Variants in PLA2G4B observed in about 807,000 individuals in gnomAD.
PLA2G4B encodes phospholipase A2 group IVB, also known as cytosolic phospholipase A2 beta.
PLA2G4B carries 122 observed loss-of-function variants against 95.8 expected under a neutral mutation model. The ratio of observed to expected loss-of-function variants is 1.27; its 90% CI spans 1.10 to 1.48. The LOEUF (loss-of-function observed/expected upper bound fraction) is 1.48, where lower values mean the gene tolerates loss of function less well. Among genes scored for constraint, PLA2G4B ranks in the 40% most tolerant of loss-of-function variants. PLA2G4B has a pLI of 0.00. For missense variants in PLA2G4B, 1,158 were observed against 996.2 expected, an observed-to-expected ratio of 1.16 and a Z score of -2.19; for synonymous variants, 518 against 421.5, an observed-to-expected ratio of 1.23 and a Z score of -2.80.
chr15:41,841,500 C>T lies in PLA2G4B; in HGVS notation c.436-17C>T, dbSNP rs1386120417. On this transcript the variant is annotated splice_polypyrimidine_tract_variant and intron_variant, in intron 6 of 19. Transcript: ENST00000458483. ...GGGGGTGGGGTTAGTGTCTGAGGGG[C>T]TGTCTTCATGACTCAGGCCCGGGAG... is the stretch of plus-strand genomic sequence containing the variant. 6.2e-7 allele frequency: 1 copy of T among 1,614,032 alleles called. No homozygotes were observed. The highest frequency in any genetic ancestry group is 1.7e-5 in the Admixed American group (1 of 60,012).
At chr15:41,844,398 C>T (rs1316886616) in intron 11 of PLA2G4B, 73 bp from the exon 12 acceptor site, 1 of 1,608,276 alleles carries the variant, frequency 6.2e-7, no homozygotes, top group African/African-American at 1.3e-5. Flanking sequence ...ACTTGACCTG[C>T]TACCTCTTCT....
chr15:41,840,286 A>G, intron 2 of PLA2G4B, 56 bp downstream of exon 2: 1 of 1,591,230 alleles, frequency 6.3e-7, no homozygotes. Flanking sequence ...GAGGGTGCTG[A>G]GGAGGAGGGT....
intron 19 of PLA2G4B, 59 bp downstream of exon 19, chr15:41,847,582 C>G (rs1390735506): frequency 1.2e-6 from 2 of 1,610,158 alleles, no homozygotes; most frequent in African/African-American, 2.7e-5. Context: ...TCCTCCGTCC[C>G]CTGTGCCTCT....
chr15:41,845,848 G>T, intron 15 of PLA2G4B, 73 bp downstream of exon 15: 2 of 1,528,718 alleles, frequency 1.3e-6, no homozygotes, highest in Non-Finnish European at 1.8e-6. Context: ...GGGCAGCCTC[G>T]GTCAGAAGAG....
Position 41,840,573 on chromosome 15 carries a change from C to T in PLA2G4B, c.132C>T (p.Ser44=). 4 of 1,613,968 alleles carry T rather than the reference C, an allele frequency of 2.5e-6. No individual in the cohort carries two copies. The highest frequency in any genetic ancestry group is 3.4e-6 in the Non-Finnish European group (4 of 1,180,016). ...YVTLWLPTAC[S]HRLQTRTVKN... is the part of the protein sequence containing the mutation. ...CTCTCTGGCTGCCCACGGCCTGCAG[C>T]CACAGGCTCCAGACACGCACGGTCA... is the stretch of plus-strand genomic sequence containing the variant. Residue 44 remains serine, a synonymous_variant, in exon 3 of 20, where the codon AGC becomes AGT. Coordinates refer to ENST00000458483, the MANE Select transcript of PLA2G4B (RefSeq NM_001114633.2).
In PLA2G4B at chr15:41,845,225, A is replaced by T; in HGVS notation, c.1262A>T (p.Asp421Val). 4 of 1,614,132 alleles carry T rather than the reference A, an allele frequency of 2.5e-6. 1 individual carries two copies. The South Asian group carries it at 4.4e-5, about 18-fold the overall frequency. Residue 421 changes from aspartate to valine, a missense_variant, in exon 14 of 20, where the codon GAT becomes GTT. By Grantham distance (152) the Asp-to-Val change is radical. Coordinates refer to ENST00000458483, the MANE Select transcript of PLA2G4B (RefSeq NM_001114633.2). ...HDEPHDHKLS[D>V]QREALSHGQN... ...CAGCCCCATGATCACAAGCTCTCAGATCAACGGGAGGCCCTGAGTCATGGC... is the reference window on the plus strand; with the variant it reads ...CAGCCCCATGATCACAAGCTCTCAGTTCAACGGGAGGCCCTGAGTCATGGC...
At position 41,846,813 on chromosome 15, in the gene PLA2G4B, A is replaced by ACAAC; in HGVS notation, c.1927_1930dup (p.Leu644GlnfsTer157). On this transcript the variant is annotated frameshift_variant, in exon 18 of 20. Transcript: ENST00000458483. LOFTEE classifies it high-confidence loss of function. ...GTGGACCTCATCCTGTCATTGGACT[A>ACAAC]CAACCTCCACGGAGCCTTCCAGGTT... 6.2e-7 allele frequency: 1 copy of ACAAC among 1,612,432 alleles called. No homozygotes were observed. The highest frequency in any genetic ancestry group is 8.5e-7 in the Non-Finnish European group (1 of 1,178,834).
intron 10 of PLA2G4B, 50 bp downstream of exon 10, chr15:41,842,641 T>C (rs1672465): frequency 0.8 from 1,279,958 of 1,599,752 alleles, 513,751 homozygotes; most frequent in East Asian, 0.88. Flanking sequence ...ACAACCAGGG[T>C]GCGGGGCTGG....
At chr15:41,841,012 C>T in intron 4 of PLA2G4B, 43 bp from the exon 5 acceptor site, 1 of 1,569,314 alleles carries the variant, frequency 6.4e-7, no homozygotes, top group Non-Finnish European at 8.7e-7. Context: ...CATATGTGCA[C>T]TCCTTCTGAC....
rs543006932 is a variant in PLA2G4B, at chr15:41,840,816, G to T, written c.262G>T (p.Gly88Ter). ...AGTCTTTGACCAGGACCTGGTGACC[G>T]GAGATGACCCTGTGTTGTCAGTACT... ...LKVFDQDLVT[G>*]DDPVLSVLFD... is the part of the protein sequence containing the mutation. Residue 88 changes from glycine to a stop codon, truncating the protein, a stop_gained, in exon 4 of 20, where the codon GGA (glycine) becomes TGA (stop). Coordinates refer to ENST00000458483, the MANE Select transcript of PLA2G4B (RefSeq NM_001114633.2). LOFTEE classifies it high-confidence loss of function. 5 of 1,614,034 alleles carry T rather than the reference G, an allele frequency of 3.1e-6. No homozygotes were observed. The highest frequency in any genetic ancestry group is 4.2e-6 in the Non-Finnish European group (5 of 1,179,986).
Position 41,845,681 on chromosome 15 carries a change from C to T in PLA2G4B, c.1401C>T (p.Tyr467=), listed in dbSNP as rs190720378. 229 of 1,614,140 alleles carry T rather than the reference C, an allele frequency of 1.4e-4. No homozygotes were observed. Among genetic ancestry groups the T allele is most frequent in the South Asian group, 8.0e-4 (73 of 91,080 alleles). Residue 467 remains tyrosine, a synonymous_variant, in exon 15 of 20, where the codon TAC becomes TAT. Coordinates refer to ENST00000458483, the MANE Select transcript of PLA2G4B (RefSeq NM_001114633.2). ...CCTACGAGGTCGGCTTCCCCAAGTACGGGGCCTTCATCCCCTCTGAGCTCT... is the reference window on the plus strand; with the variant it reads ...CCTACGAGGTCGGCTTCCCCAAGTATGGGGCCTTCATCCCCTCTGAGCTCT... ...FSPYEVGFPK[Y]GAFIPSELFG...
chr15:41,840,010 C>T (rs1567168422), intron 1 of PLA2G4B, 148 bp from the exon 2 acceptor site: 1 of 888,998 alleles, frequency 1.1e-6, no homozygotes, highest in Non-Finnish European at 1.7e-6. Context: ...ATCATGTCTC[C>T]TCTTGTTGAT....
intron 11 of PLA2G4B, among the ~76,000 whole-genome samples, chr15:41,844,183 G>A (rs1478641382): frequency 6.6e-6 from 1 of 152,180 alleles, no homozygotes; most frequent in Non-Finnish European, 1.5e-5. Context: ...ATTCTGAGGC[G>A]GGCCCTGGGG....
chr15:41,843,081 CTTT>C (rs11415282), intron 10 of PLA2G4B: 15 of 131,188 alleles, frequency 1.1e-4, no homozygotes, highest in Non-Finnish European at 1.9e-4. Flanking sequence ...GCCCCCTGCC[CTTT>C]TTTTTTTTTT....
rs533205118 is a variant in PLA2G4B, at chr15:41,843,733, C to T, written c.801C>T (p.Phe267=). The T allele has an allele frequency of 2.4e-5, 39 of 1,614,094 alleles. No individual in the cohort carries two copies. The South Asian group carries it at 3.6e-4, about 15-fold the overall frequency. The change falls in exon 11 of 20, where the codon TTC becomes TTT. Residue 267 remains phenylalanine, a synonymous_variant. Transcript: ENST00000458483. ...GFGPCAEEQA[F]LSRRKQVVAA... ...GGCCCTGTGCAGAGGAGCAGGCCTT[C>T]CTGAGCAGGAGGAAGCAGGTGGTGG...
intron 13 of PLA2G4B, 33 bp downstream of exon 13, chr15:41,845,103 G>C: frequency 6.3e-7 from 1 of 1,598,884 alleles, no homozygotes; most frequent in Non-Finnish European, 8.5e-7. Context: ...GCAGAGCCAG[G>C]GCAAGGGCTG....
intron 12 of PLA2G4B, 103 bp downstream of exon 12, chr15:41,844,710 T>A: frequency 6.3e-7 from 1 of 1,590,014 alleles, no homozygotes; most frequent in Non-Finnish European, 8.6e-7. Context: ...GGAGAATGAA[T>A]GTGCCAGGGA....
In PLA2G4B at chr15:41,840,216, C is replaced by T. The variant is rs1414803597; in HGVS notation, c.68C>T (p.Pro23Leu). 1.2e-6 allele frequency: 2 copies of T among 1,613,164 alleles called. No individual in the cohort carries two copies. Among genetic ancestry groups the T allele is most frequent in the South Asian group, 1.1e-5 (1 of 91,072 alleles). The change falls in exon 2 of 20, where the codon CCC (proline) becomes CTC (leucine). Residue 23 changes from proline to leucine, a missense_variant. Pro to Leu is a moderately conservative substitution (Grantham distance 98, BLOSUM62 -3). Coordinates refer to ENST00000458483, the MANE Select transcript of PLA2G4B (RefSeq NM_001114633.2). ...TVRVLQAHRLPSKDLVTPSDC... is the reference protein window; with the variant it reads ...TVRVLQAHRLLSKDLVTPSDC... The stretch of plus-strand genomic sequence containing the variant: ...CGTGTCCTGCAGGCCCATCGCCTAC[C>T]CTCTAAGGACCTAGGTGAGTGCGCA...
rs763093724 is a variant in PLA2G4B at position 41,846,242 on chromosome 15, C to CCTCAA, written c.1642_1646dup (p.Ala550GlnfsTer6). The CCTCAA allele has an allele frequency of 1.3e-4, 217 of 1,614,048 alleles. 5 individuals carry two copies. In the South Asian group the frequency reaches 2.3e-3, roughly 17 times the overall value. On this transcript the variant is annotated frameshift_variant, in exon 17 of 20. Coordinates refer to ENST00000458483, the MANE Select transcript of PLA2G4B (RefSeq NM_001114633.2). LOFTEE classifies it high-confidence loss of function. ...CCCCTTCTGAAGATAGAAGAACCACCCTCAACAGCCGGCAGGATAGCTGAG... is the reference window on the plus strand; with the variant it reads ...CCCCTTCTGAAGATAGAAGAACCACCCTCAACTCAACAGCCGGCAGGATAGCTGAG...
Sources: gnomAD v4.1 joint callset for allele counts (sites outside exome capture counted in the v4.1 genomes callset) on GRCh38, gnomAD v4.1.1 for gene constraint, MANE v1.5 for transcripts, NCBI Gene and HGNC (gene_info 2026-07-23, HGNC 2026-07-21) for gene names.